TMEM132C: variants seen among roughly 807,000 people sequenced by gnomAD.
TMEM132C encodes transmembrane protein 132C, also known as protein phosphatase 1, regulatory subunit 152.
TMEM132C carries 29 observed loss-of-function variants against 61.4 expected under a neutral mutation model. The ratio of observed to expected loss-of-function variants is 0.47; its 90% CI spans 0.35 to 0.64. The LOEUF (loss-of-function observed/expected upper bound fraction) is 0.64, where lower values mean the gene tolerates loss of function less well. Ranked by LOEUF, TMEM132C falls within the 30% of genes least tolerant of loss-of-function variation. The pLI is 0.00. For synonymous variants in TMEM132C, 656 were observed against 633.1 expected (o/e 1.04, Z -0.54); for missense variants, 1,408 against 1,476.9 (o/e 0.95, Z 0.76).
chr12:128,674,903 C>G (rs543940488), intron 5 of TMEM132C, among the ~76,000 whole-genome samples: 16 of 151,808 alleles, frequency 1.1e-4, no homozygotes, highest in Non-Finnish European at 2.1e-4. Context: ...AGCTTAGCTC[C>G]CACCGGCACC....
intron 2 of TMEM132C, among the ~76,000 whole-genome samples, chr12:128,434,748 A>G (rs572801336): frequency 6.6e-6 from 1 of 152,038 alleles, no homozygotes; most frequent in African/African-American, 2.4e-5. Flanking sequence ...GACTACAGGC[A>G]CATGCCACTA....
At chr12:128,335,765 G>T (rs73434628) in intron 1 of TMEM132C, among the ~76,000 whole-genome samples, 1,554 of 152,284 alleles carry the variant, frequency 0.01, 33 homozygotes, top group African/African-American at 0.036. Context: ...TTCCACAGAT[G>T]AGAGTATTGA....
chr12:128,459,528 G>T (rs1870460004), intron 2 of TMEM132C, among the ~76,000 whole-genome samples: 1 of 152,172 alleles, frequency 6.6e-6, no homozygotes, highest in African/African-American at 2.4e-5. Context: ...CTCTCTCCTG[G>T]ATGATAGTGG....
At chr12:128,284,656 C>G (rs1035811917) in intron 1 of TMEM132C, among the ~76,000 whole-genome samples, 2 of 152,188 alleles carry the variant, frequency 1.3e-5, no homozygotes, top group African/African-American at 2.4e-5. Flanking sequence ...CCGTGTAACT[C>G]TAGCCCACAT....
intron 2 of TMEM132C, among the ~76,000 whole-genome samples, chr12:128,513,153 G>A (rs1206314491): frequency 6.6e-6 from 1 of 152,134 alleles, no homozygotes; most frequent in Non-Finnish European, 1.5e-5. Flanking sequence ...CTGGGGAGGG[G>A]ACATGATACA....
intron 3 of TMEM132C, among the ~76,000 whole-genome samples, chr12:128,581,205 G>A (rs546678002): frequency 2.0e-5 from 3 of 152,204 alleles, no homozygotes; most frequent in East Asian, 3.9e-4. Flanking sequence ...GGGCTCAGAC[G>A]GAGTGCTCAG....
At chr12:128,430,069 C>T (rs867770715) in intron 2 of TMEM132C, among the ~76,000 whole-genome samples, 1 of 152,176 alleles carries the variant, frequency 6.6e-6, no homozygotes, top group Non-Finnish European at 1.5e-5. Context: ...GCCTCCTTCT[C>T]AGTAACCCAG....
intron 2 of TMEM132C, among the ~76,000 whole-genome samples, chr12:128,478,297 T>G (rs1186345241): frequency 6.6e-6 from 1 of 152,232 alleles, no homozygotes; most frequent in Non-Finnish European, 1.5e-5. Context: ...TTTTTTTATT[T>G]TTTTATTTTT....
intron 5 of TMEM132C, among the ~76,000 whole-genome samples, chr12:128,678,036 G>A (rs1279240392): frequency 6.6e-6 from 1 of 152,222 alleles, no homozygotes; most frequent in East Asian, 1.9e-4. Context: ...CAGGCTCCAA[G>A]TCCTTGAGAG....
chr12:128,577,970 T>C (rs1875180738), intron 3 of TMEM132C, among the ~76,000 whole-genome samples: 1 of 152,272 alleles, frequency 6.6e-6, no homozygotes, highest in Admixed American at 6.5e-5. Flanking sequence ...CATTAGTACA[T>C]ACTATTATTA....
chr12:128,335,602 G>T (rs1487198286), intron 1 of TMEM132C, among the ~76,000 whole-genome samples: 1 of 152,196 alleles, frequency 6.6e-6, no homozygotes, highest in Non-Finnish European at 1.5e-5. Context: ...ATGAAGAAGG[G>T]CTGGTAGTTA....
chr12:128,435,494 T>A, intron 2 of TMEM132C, among the ~76,000 whole-genome samples: 1 of 152,184 alleles, frequency 6.6e-6, no homozygotes, highest in East Asian at 1.9e-4. Context: ...CAAGCATTCT[T>A]ATACACCAAT....
chr12:128,648,175 A>G (rs1954229260), intron 4 of TMEM132C, among the ~76,000 whole-genome samples: 4 of 141,332 alleles, frequency 2.8e-5, no homozygotes, highest in Admixed American at 1.4e-4. Context: ...AACGTTAAAT[A>G]TGAGTGTGTT....
chr12:128,638,884 ATGG>A (rs796453348), intron 4 of TMEM132C, among the ~76,000 whole-genome samples: 2 of 82,726 alleles, frequency 2.4e-5, no homozygotes, highest in African/African-American at 8.4e-5. Flanking sequence ...AATGGTGATG[ATGG>A]TGGTGGTGAT....
chr12:128,483,862 G>T (rs748160495), intron 2 of TMEM132C, among the ~76,000 whole-genome samples: 1 of 151,848 alleles, frequency 6.6e-6, no homozygotes, highest in Non-Finnish European at 1.5e-5. Flanking sequence ...ATCATAAATA[G>T]ATTTAAACGA....
At chr12:128,377,721 C>T (rs151271599) in intron 1 of TMEM132C, among the ~76,000 whole-genome samples, 84 of 152,306 alleles carry the variant, frequency 5.5e-4, no homozygotes, top group African/African-American at 6.7e-4. Context: ...AAACCATCCC[C>T]GTCCTCTCCG....
At chr12:128,462,436 T>C (rs1201784642) in intron 2 of TMEM132C, among the ~76,000 whole-genome samples, 1 of 152,180 alleles carries the variant, frequency 6.6e-6, no homozygotes, top group Admixed American at 6.5e-5. Flanking sequence ...AGTCAGACTT[T>C]TTATTTCCCT....
intron 4 of TMEM132C, among the ~76,000 whole-genome samples, chr12:128,653,739 T>C (rs922510511): frequency 6.6e-6 from 1 of 152,192 alleles, no homozygotes. Context: ...GAACAGCACC[T>C]GGTACTTGAA....
chr12:128,350,843 A>G (rs527363895), intron 1 of TMEM132C, among the ~76,000 whole-genome samples: 6 of 152,034 alleles, frequency 3.9e-5, no homozygotes, highest in Non-Finnish European at 8.8e-5. Context: ...TGCTATATAA[A>G]GGCAGTTACA....
Sources: allele counts gnomAD v4.1 joint callset (sites outside exome capture counted in the v4.1 genomes callset), GRCh38; gene constraint gnomAD v4.1.1; transcripts MANE v1.5; gene names NCBI Gene and HGNC (gene_info 2026-07-23, HGNC 2026-07-21).